ZNF516: variants seen among roughly 807,000 people sequenced by gnomAD.
ZNF516 encodes zinc finger protein 516.
In ZNF516, 19 loss-of-function variants were observed where a neutral mutation model predicts 79.7. The ratio of observed to expected loss-of-function variants is 0.24; its 90% CI spans 0.17 to 0.35. The LOEUF is 0.35. Ranked by LOEUF, ZNF516 falls within the 10% of genes least tolerant of loss-of-function variation. The pLI, the probability that ZNF516 is intolerant of heterozygous loss-of-function variation, is 1.00. For missense variants in ZNF516, 1,678 were observed against 1,679.5 expected (o/e 1.00, Z 0.02); for synonymous variants, 877 against 739.5 (o/e 1.19, Z -3.02).
rs1914569377 is a variant in ZNF516, at chr18:76,482,293, G to A, written c.-272+12851C>T. ...GTGATCCAGCTTTTCCCTTCATCGC[G>A]ACCTATTATTCCATTGCCCGTTCTT... On this transcript the variant is annotated intron_variant, in intron 1 of 6. Coordinates refer to ENST00000443185, the MANE Select transcript of ZNF516 (RefSeq NM_014643.4). Among the ~76,000 whole-genome samples, 4 of 152,158 alleles carry A rather than the reference G, an allele frequency of 2.6e-5. No homozygotes were observed. The South Asian group carries it at 6.2e-4, about 24-fold the overall frequency.
chr18:76,450,600 C>T (rs1450559235), intron 2 of ZNF516, among the ~76,000 whole-genome samples: 7 of 152,136 alleles, frequency 4.6e-5, no homozygotes, highest in Non-Finnish European at 7.4e-5. Flanking sequence ...GTGGCCAACA[C>T]GAACTCTCCC....
intron 2 of ZNF516, among the ~76,000 whole-genome samples, chr18:76,446,887 T>C (rs1179938118): frequency 6.6e-6 from 1 of 152,040 alleles, no homozygotes; most frequent in Non-Finnish European, 1.5e-5. Flanking sequence ...GATACATAAA[T>C]GTAGAAATAG....
chr18:76,431,145 A>G (rs2075655157), intron 3 of ZNF516, among the ~76,000 whole-genome samples: 2 of 152,190 alleles, frequency 1.3e-5, no homozygotes, highest in Admixed American at 6.5e-5. Context: ...CTCATGAAAA[A>G]CTAGCCTCAG....
chr18:76,433,232 C>T (rs2075685460), intron 3 of ZNF516, among the ~76,000 whole-genome samples: 1 of 152,158 alleles, frequency 6.6e-6, no homozygotes, highest in Admixed American at 6.5e-5. Flanking sequence ...CTGAGTACTC[C>T]CGTGCAAAAC....
chr18:76,477,061 G>C (rs967592380), intron 1 of ZNF516, among the ~76,000 whole-genome samples: 1 of 152,140 alleles, frequency 6.6e-6, no homozygotes, highest in African/African-American at 2.4e-5. Flanking sequence ...CTACATTTCC[G>C]TATGTCCAAA....
At chr18:76,395,394 G>A (rs1157490219) in intron 3 of ZNF516, among the ~76,000 whole-genome samples, 2 of 152,196 alleles carry the variant, frequency 1.3e-5, no homozygotes, top group Non-Finnish European at 2.9e-5. Context: ...GCATTTATGG[G>A]ATGAATGAGG....
At chr18:76,495,331 C>T (rs1318828680), upstream of ZNF516, 1 of 144,932 alleles carries the variant, frequency 6.9e-6, no homozygotes, top group East Asian at 2.1e-4. Flanking sequence ...CTCGCGCCGC[C>T]CGCGCGCGCC....
Position 76,360,994 on chromosome 18 carries a change from T to C in ZNF516, c.*1504A>G, listed in dbSNP as rs923453475. The stretch of plus-strand genomic sequence containing the variant: ...AAGTAAACTGTTGCTCTCGCCAGTA[T>C]TAAAGGTTAGGATAATTTCTGTACA... On this transcript the variant is annotated 3_prime_UTR_variant, in exon 7 of 7. Transcript: ENST00000443185. The C allele has an allele frequency of 2.6e-5, 4 of 151,908 alleles. No individual in the cohort carries two copies. Among genetic ancestry groups the C allele is most frequent in the Non-Finnish European group, 4.4e-5 (3 of 67,992 alleles). 9.4% of individuals were successfully genotyped at this position (151,908 alleles called of 1,614,324 possible). A position where few individuals can be genotyped will look rare whatever the true frequency, so the allele number is the denominator to read the frequency against.
intron 1 of ZNF516, among the ~76,000 whole-genome samples, chr18:76,482,631 G>T (rs1914591502): frequency 6.6e-6 from 1 of 152,232 alleles, no homozygotes; most frequent in South Asian, 2.1e-4. Flanking sequence ...CGACTTAAAA[G>T]TATCTTCAAC....
chr18:76,473,378 A>AAC (rs1411018860), intron 1 of ZNF516, among the ~76,000 whole-genome samples: 4 of 138,266 alleles, frequency 2.9e-5, no homozygotes. Context: ...AAAAAAAAAA[A>AAC]ACACCTATGA....
chr18:76,466,380 T>C (rs1913468801), intron 1 of ZNF516, among the ~76,000 whole-genome samples: 1 of 152,168 alleles, frequency 6.6e-6, no homozygotes, highest in Admixed American at 6.5e-5. Context: ...GGTCTCTCTG[T>C]CAGTTCCCCA....
chr18:76,484,328 A>T (rs1914703595), intron 1 of ZNF516, among the ~76,000 whole-genome samples: 1 of 152,238 alleles, frequency 6.6e-6, no homozygotes, highest in African/African-American at 2.4e-5. Flanking sequence ...GTTATAACAC[A>T]TATATGATTG....
intron 1 of ZNF516, chr18:76,492,750 T>C: frequency 1.0e-6 from 1 of 985,562 alleles, no homozygotes; most frequent in South Asian, 4.7e-5. Flanking sequence ...TTCTCCCCCT[T>C]CTGCAGGTTC....
intron 6 of ZNF516, among the ~76,000 whole-genome samples, chr18:76,365,797 G>C (rs377409032): frequency 6.6e-6 from 1 of 152,174 alleles, no homozygotes; most frequent in Admixed American, 6.5e-5. Flanking sequence ...CCCAGGGCCC[G>C]GACCCTCTCA....
chr18:76,376,859 G>C (rs1266258616), intron 4 of ZNF516, among the ~76,000 whole-genome samples: 1 of 152,082 alleles, frequency 6.6e-6, no homozygotes, highest in Admixed American at 6.5e-5. Context: ...TTGCTCTGCT[G>C]GGAGGCGGCC....
rs541271981 is a variant in ZNF516, at chr18:76,402,402, G to A, written c.1811-22099C>T. 6.8e-3 allele frequency among the ~76,000 whole-genome samples: 85 copies of A among 12,538 alleles called. 3 individuals carry two copies. The East Asian group carries it at 0.11, about 16-fold the overall frequency. The allele number at this position is 12,538 out of a possible 152,430, so 8.2% of individuals were successfully genotyped here. A position where few individuals can be genotyped will look rare whatever the true frequency, so the allele number is the denominator to read the frequency against. ...TTACCATCCTAAGATGCCTAGGTCC[G>A]AGGACATTTCCTTTCATCCAAGCTA... On this transcript the variant is annotated intron_variant, in intron 3 of 6. Coordinates refer to ENST00000443185, the MANE Select transcript of ZNF516 (RefSeq NM_014643.4).
chr18:76,459,515 T>C lies in ZNF516; in HGVS notation c.-158+3513A>G, dbSNP rs1232959981. Among the ~76,000 whole-genome samples the C allele has an allele frequency of 6.6e-6, 1 of 152,232 alleles. No individual in the cohort carries two copies. The highest frequency in any genetic ancestry group is 1.5e-5 in the Non-Finnish European group (1 of 68,042). On this transcript the variant is annotated intron_variant, in intron 2 of 6. Transcript: ENST00000443185. The surrounding 1 kb of genome is among the most constrained non-coding windows in gnomAD (Gnocchi z 5.0). ...TGTGCCATTCAGGACGTGGCGGCCG[T>C]GTGCACCCCATCGGGCACCGCGTCG...
At chr18:76,421,443 C>T (rs1184251477) in intron 3 of ZNF516, among the ~76,000 whole-genome samples, 2 of 152,176 alleles carry the variant, frequency 1.3e-5, no homozygotes, top group Non-Finnish European at 2.9e-5. Context: ...TGGTCCAGTC[C>T]GTGAGGCCAG....
chr18:76,364,866 CTG>C (rs549878390), intron 6 of ZNF516, among the ~76,000 whole-genome samples: 147 of 152,304 alleles, frequency 9.7e-4, no homozygotes, highest in Non-Finnish European at 1.6e-3. Flanking sequence ...GGCTATGTGA[CTG>C]GGGGGATTTT....
Sources: gnomAD v4.1 joint callset for allele counts (sites outside exome capture counted in the v4.1 genomes callset) on GRCh38, gnomAD v4.1.1 for gene constraint, Gnocchi (gnomAD v3.1) non-coding constraint, MANE v1.5 for transcripts, NCBI Gene and HGNC (gene_info 2026-07-23, HGNC 2026-07-21) for gene names.